The following ADCY10 variants were observed in gnomAD, a reference collection of about 807,000 sequenced individuals.
ADCY10 encodes adenylate cyclase type 10.
In ADCY10, 156 loss-of-function variants were observed where a neutral mutation model predicts 183.3. That is an observed-to-expected ratio of 0.85 (90% CI 0.75 to 0.97). ADCY10 has a LOEUF of 0.97. ADCY10 is among the 50% of genes least tolerant of loss of function. ADCY10 has a pLI of 0.00. For missense variants in ADCY10, 1,745 were observed against 1,934.3 expected (o/e 0.90, Z 1.84); for synonymous variants, 645 against 670.0 (o/e 0.96, Z 0.58).
chr1:167,890,655 C>T (rs1388204288), intron 8 of ADCY10, among the ~76,000 whole-genome samples: 1 of 152,196 alleles, frequency 6.6e-6, no homozygotes, highest in Non-Finnish European at 1.5e-5. Flanking sequence ...TGATGAGTTC[C>T]TCCAGGCCCC....
chr1:167,883,783 G>A (rs1571397502), intron 8 of ADCY10, among the ~76,000 whole-genome samples, 155 bp from the exon 9 acceptor site: 1 of 152,050 alleles, frequency 6.6e-6, no homozygotes, highest in African/African-American at 2.4e-5. Flanking sequence ...AAGTGGAGCA[G>A]ATGGAAATAT....
chr1:167,830,325 C>A (rs911537882), intron 25 of ADCY10, among the ~76,000 whole-genome samples: 1 of 150,450 alleles, frequency 6.6e-6, no homozygotes, highest in Non-Finnish European at 1.5e-5. Context: ...TGTCCTTAAC[C>A]TTGGCAAAAT....
At chr1:167,864,830 T>C (rs1666566237) in intron 14 of ADCY10, among the ~76,000 whole-genome samples, 1 of 150,642 alleles carries the variant, frequency 6.6e-6, no homozygotes, top group South Asian at 2.1e-4. Flanking sequence ...CAAAAATCCT[T>C]AACCCAGTAA....
Position 167,836,362 on chromosome 1 carries a change from A to G in ADCY10, c.3256T>C (p.Tyr1086His). The G allele has an allele frequency of 6.2e-7, 1 of 1,614,186 alleles. No homozygotes were observed. The highest frequency in any genetic ancestry group is 1.1e-5 in the South Asian group (1 of 91,082). ...GCAGATGCAATTTCTAAGAAGTAAT[A>G]TAAGGCTTTGTCATTTTCTCCCAAA... ...LALGENDKAL[Y>H]YFLEIASAYL... Residue 1086 changes from tyrosine to histidine, a missense_variant, in exon 23 of 33, where the codon TAT becomes CAT. Tyr to His is a moderately conservative substitution (Grantham distance 83). Coordinates refer to ENST00000367851, the MANE Select transcript of ADCY10 (RefSeq NM_018417.6).
chr1:167,840,451 G>T (rs1664539209), intron 21 of ADCY10, among the ~76,000 whole-genome samples: 1 of 151,404 alleles, frequency 6.6e-6, no homozygotes, highest in Admixed American at 6.6e-5. Context: ...CTGCCTCCTG[G>T]ATTCAAGCGA....
chr1:167,870,411 C>T lies in ADCY10; in HGVS notation c.1463-1G>A. The T allele has an allele frequency of 6.2e-7, 1 of 1,606,036 alleles. No homozygotes were observed. The highest frequency in any genetic ancestry group is 8.5e-7 in the Non-Finnish European group (1 of 1,173,684). ...AAGTAGTTGATCTCTTTATTACGTC[C>T]TGTTATTTTTAGTTTTAAAAAAGAG... is the stretch of plus-strand genomic sequence containing the variant. On this transcript the variant is annotated splice_acceptor_variant, in intron 13 of 32. Coordinates refer to ENST00000367851, the MANE Select transcript of ADCY10 (RefSeq NM_018417.6). LOFTEE classifies it high-confidence loss of function.
intron 18 of ADCY10, among the ~76,000 whole-genome samples, chr1:167,849,575 T>C (rs1319643553): frequency 3.3e-5 from 5 of 152,210 alleles, no homozygotes; most frequent in Non-Finnish European, 5.9e-5. Flanking sequence ...GGACTTTCTG[T>C]GCATCATATC....
In ADCY10 at chr1:167,854,395, C is replaced by T. The variant is rs1186394182; in HGVS notation, c.2266G>A (p.Glu756Lys). ...GTCCTATTTGTCTTTTCCTCAGACT[C>T]CGTTTGTTGGAAAACGAGTACCTCA... ...HHEVLVFQQT[E>K]SEEKTNRTWN... Residue 756 changes from glutamate (E) to lysine (K), a missense_variant, in exon 18 of 33, where the codon GAG (glutamate) becomes AAG (lysine). Glu to Lys is a moderately conservative substitution (Grantham distance 56). Coordinates refer to ENST00000367851, the MANE Select transcript of ADCY10 (RefSeq NM_018417.6). 1 of 1,614,078 alleles carries T rather than the reference C, an allele frequency of 6.2e-7. No individual in the cohort carries two copies. Among genetic ancestry groups the T allele is most frequent in the East Asian group, 2.2e-5 (1 of 44,898 alleles).
At chr1:167,810,593 T>C in intron 32 of ADCY10, 132 bp downstream of exon 32, 1 of 833,832 alleles carries the variant, frequency 1.2e-6, no homozygotes, top group Non-Finnish European at 2.0e-6. Flanking sequence ...TAGGTTTCTA[T>C]TGTTCATCAA....
At chr1:167,899,254 C>T (rs1319749836) in intron 6 of ADCY10, among the ~76,000 whole-genome samples, 169 bp downstream of exon 6, 3 of 152,188 alleles carry the variant, frequency 2.0e-5, no homozygotes, top group African/African-American at 7.2e-5. Flanking sequence ...CTGGGCTCCT[C>T]CCAGAGGAGC....
rs187766586 is a variant in ADCY10 at position 167,839,371 on chromosome 1, C to T, written c.3008-2053G>A. On this transcript the variant is annotated intron_variant, in intron 21 of 32. Transcript: ENST00000367851. Reference sequence around the variant, plus strand: ...CCTTTCATGTTTTGGCTTCTTTTCTCCTTCTGGCATTAAACATGCTGGCTG... The same window carrying T: ...CCTTTCATGTTTTGGCTTCTTTTCTTCTTCTGGCATTAAACATGCTGGCTG... 4.6e-5 allele frequency among the ~76,000 whole-genome samples: 7 copies of T among 152,330 alleles called. No homozygotes were observed. The East Asian group carries it at 1.3e-3, about 29-fold the overall frequency.
At chr1:167,838,334 T>C (rs1005288548) in intron 21 of ADCY10, among the ~76,000 whole-genome samples, 1 of 141,082 alleles carries the variant, frequency 7.1e-6, no homozygotes, top group Non-Finnish European at 1.6e-5. Context: ...GCTGAATATA[T>C]TGAATTATGA....
intron 19 of ADCY10, among the ~76,000 whole-genome samples, chr1:167,847,413 T>C (rs1665126061): frequency 6.6e-6 from 1 of 151,748 alleles, no homozygotes; most frequent in African/African-American, 2.4e-5. Flanking sequence ...CATCTTTCTT[T>C]CTTTCTTTCT....
intron 8 of ADCY10, among the ~76,000 whole-genome samples, chr1:167,886,037 G>T (rs573477497): frequency 6.6e-6 from 1 of 152,134 alleles, no homozygotes; most frequent in East Asian, 1.9e-4. Flanking sequence ...ACTGCTCAAC[G>T]AAGTAAAAGA....
intron 1 of ADCY10, among the ~76,000 whole-genome samples, chr1:167,911,800 A>G (rs1314319690): frequency 6.6e-6 from 1 of 152,232 alleles, no homozygotes; most frequent in Admixed American, 6.5e-5. Context: ...TAGTCAGTGT[A>G]GAGATGAATT....
At chr1:167,900,988 C>A (rs1354676859) in intron 5 of ADCY10, among the ~76,000 whole-genome samples, 1 of 152,148 alleles carries the variant, frequency 6.6e-6, no homozygotes, top group African/African-American at 2.4e-5. Flanking sequence ...ACCAACAGCA[C>A]CAACCATAAC....
At chr1:167,874,867 G>A (rs1016294370) in intron 13 of ADCY10, among the ~76,000 whole-genome samples, 3 of 152,122 alleles carry the variant, frequency 2.0e-5, no homozygotes, top group Non-Finnish European at 4.4e-5. Context: ...TATATAAGCC[G>A]TATATAATTA....
chr1:167,883,376 C>T (rs566721399), intron 9 of ADCY10, 61 bp downstream of exon 9: 1 of 1,567,334 alleles, frequency 6.4e-7, no homozygotes, highest in Non-Finnish European at 8.8e-7. Context: ...CACCAATGTG[C>T]TTGTCCATGA....
At chr1:167,905,703 A>G (rs183020845) in intron 1 of ADCY10, among the ~76,000 whole-genome samples, 18 of 152,202 alleles carry the variant, frequency 1.2e-4, no homozygotes, top group Middle Eastern at 3.4e-3. Flanking sequence ...CTATAAAGGT[A>G]TAATGTTAAA....
Sources: gnomAD v4.1 joint callset for allele counts (sites outside exome capture counted in the v4.1 genomes callset) on GRCh38, gnomAD v4.1.1 for gene constraint, MANE v1.5 for transcripts, NCBI Gene and HGNC (gene_info 2026-07-23, HGNC 2026-07-21) for gene names.